SNX25: variants seen among roughly 807,000 people sequenced by gnomAD.
The protein encoded by SNX25 is sorting nexin 25.
In SNX25, 62 loss-of-function variants were observed where a neutral mutation model predicts 113.7. That is an observed-to-expected ratio of 0.55 (90% CI 0.44 to 0.67). The LOEUF is 0.67. Ranked by LOEUF, SNX25 falls within the 30% of genes least tolerant of loss-of-function variation. The probability of loss-of-function intolerance (pLI) is 0.00; values close to 1 mark genes in which losing one functional copy is unlikely to be tolerated. For synonymous variants in SNX25, 421 were observed against 436.2 expected, an observed-to-expected ratio of 0.97 and a Z score of 0.43; for missense variants, 1,014 against 1,161.0, an observed-to-expected ratio of 0.87 and a Z score of 1.84.
intron 1 of SNX25, among the ~76,000 whole-genome samples, chr4:185,227,812 G>A (rs1329582733): frequency 2.6e-5 from 4 of 152,180 alleles, no homozygotes; most frequent in Non-Finnish European, 4.4e-5. Flanking sequence ...GGTTAAGCAG[G>A]TCAATTTGTT....
intron 5 of SNX25, among the ~76,000 whole-genome samples, chr4:185,283,040 C>T (rs1750861596): frequency 2.0e-5 from 3 of 152,172 alleles, no homozygotes; most frequent in African/African-American, 7.2e-5. Flanking sequence ...TATCCAGTAA[C>T]AGTGAATTAA....
At chr4:185,256,968 A>G (rs7672235) in intron 2 of SNX25, among the ~76,000 whole-genome samples, 51,651 of 151,772 alleles carry the variant, frequency 0.34, 10,634 homozygotes, top group East Asian at 0.57. Flanking sequence ...AGTGGCCAAG[A>G]TGTATAAAAT....
intron 5 of SNX25, among the ~76,000 whole-genome samples, chr4:185,277,720 CTTTTTTTTTTTTTTTT>C (rs758092952): frequency 3.1e-5 from 2 of 63,502 alleles, no homozygotes; most frequent in South Asian, 7.6e-4. Context: ...TACTTATTAC[CTTTTTTTTTTTTTTTT>C]TTTTTTTTTT....
In SNX25 at chr4:185,346,620, G is replaced by T. The variant is rs754202588; in HGVS notation, c.2271G>T (p.Lys757Asn). ...FKSIDQKFME[K>N]SKNQLNKFLQ... Reference sequence around the variant, plus strand: ...CTATAGATCAAAAGTTTATGGAAAAGTCGAAGAATCAATTAAATAAGTTTT... The same window carrying T: ...CTATAGATCAAAAGTTTATGGAAAATTCGAAGAATCAATTAAATAAGTTTT... The change falls in exon 13 of 19, where the codon AAG becomes AAT. Residue 757 changes from lysine to asparagine, a missense_variant. Transcript: ENST00000652585. 3.3e-5 allele frequency: 52 copies of T among 1,584,434 alleles called. No homozygotes were observed. Among genetic ancestry groups the T allele is most frequent in the Non-Finnish European group, 4.3e-5 (50 of 1,171,738 alleles).
intron 2 of SNX25, among the ~76,000 whole-genome samples, chr4:185,257,145 A>G (rs1560941005): frequency 6.6e-6 from 1 of 150,926 alleles, no homozygotes; most frequent in Non-Finnish European, 1.5e-5. Flanking sequence ...GACATCTGCA[A>G]TTAAGCCAAA....
At chr4:185,338,477 AG>A (rs2095243845) in intron 10 of SNX25, among the ~76,000 whole-genome samples, 1 of 151,940 alleles carries the variant, frequency 6.6e-6, no homozygotes, top group Non-Finnish European at 1.5e-5. Context: ...TAGTAGTGAC[AG>A]GGTTTTGCCA....
chr4:185,300,838 ATG>A (rs1257130896), intron 6 of SNX25, among the ~76,000 whole-genome samples: 5 of 51,270 alleles, frequency 9.8e-5, no homozygotes, highest in African/African-American at 5.2e-4. Context: ...TATGATTATT[ATG>A]ACACACACAC....
chr4:185,255,228 G>C (rs907502040), intron 2 of SNX25, among the ~76,000 whole-genome samples: 1 of 151,976 alleles, frequency 6.6e-6, no homozygotes, highest in South Asian at 2.1e-4. Flanking sequence ...ACGCCTCCTG[G>C]GTTCAAGTGA....
intron 3 of SNX25, among the ~76,000 whole-genome samples, chr4:185,260,894 C>G (rs555580858): frequency 6.6e-6 from 1 of 152,214 alleles, no homozygotes; most frequent in East Asian, 1.9e-4. Context: ...CCTGAGTTAC[C>G]TCCTAGAATC....
intron 16 of SNX25, among the ~76,000 whole-genome samples, chr4:185,360,112 A>G (rs1403224743): frequency 1.3e-5 from 2 of 152,244 alleles, no homozygotes; most frequent in Admixed American, 6.5e-5. Flanking sequence ...AAATCAGTAG[A>G]AAATAACTTA....
chr4:185,221,089 G>A (rs562584537), intron 1 of SNX25, among the ~76,000 whole-genome samples: 1 of 151,514 alleles, frequency 6.6e-6, no homozygotes, highest in Non-Finnish European at 1.5e-5. Flanking sequence ...CTGGAGTGCA[G>A]TGGCATGATC....
At chr4:185,215,348 T>G (rs1017625283) in intron 1 of SNX25, among the ~76,000 whole-genome samples, 35 of 152,230 alleles carry the variant, frequency 2.3e-4, no homozygotes, top group Admixed American at 2.3e-3. Flanking sequence ...CCCAGTAGAT[T>G]AGACCCACAG....
chr4:185,302,932 G>A (rs181355148), intron 6 of SNX25, among the ~76,000 whole-genome samples: 8 of 152,256 alleles, frequency 5.3e-5, no homozygotes, highest in South Asian at 4.1e-4. Flanking sequence ...GTGGGCTCGG[G>A]CACTTCCATT....
At chr4:185,355,168 C>T (rs1206189627) in intron 15 of SNX25, among the ~76,000 whole-genome samples, 2 of 152,178 alleles carry the variant, frequency 1.3e-5, no homozygotes, top group Admixed American at 6.5e-5. Context: ...CAATGCCTGA[C>T]CCATGGTAGG....
At chr4:185,286,258 G>A (rs1188656608) in intron 5 of SNX25, among the ~76,000 whole-genome samples, 1 of 152,044 alleles carries the variant, frequency 6.6e-6, no homozygotes, top group Non-Finnish European at 1.5e-5. Flanking sequence ...TAGGACTACC[G>A]GCATGCATCA....
chr4:185,264,690 A>C, intron 4 of SNX25, 80 bp downstream of exon 4: 1 of 1,403,662 alleles, frequency 7.1e-7, no homozygotes, highest in Non-Finnish European at 9.9e-7. Flanking sequence ...TTACTGTTGA[A>C]CATATGGGAT....
At chr4:185,356,866 C>T (rs1420288401) in intron 15 of SNX25, among the ~76,000 whole-genome samples, 1 of 152,068 alleles carries the variant, frequency 6.6e-6, no homozygotes, top group Non-Finnish European at 1.5e-5. Flanking sequence ...ATTTGTGGAC[C>T]TAAAATATCC....
the SNX25 span, chr4:185,375,498 A>ATATG: frequency 3.3e-5 from 2 of 60,288 alleles, no homozygotes; most frequent in South Asian, 6.5e-4. Flanking sequence ...ATATATATAT[A>ATATG]TATATATATA....
At chr4:185,309,052 C>A (rs1011134528) in intron 6 of SNX25, among the ~76,000 whole-genome samples, 1 of 152,160 alleles carries the variant, frequency 6.6e-6, no homozygotes. Flanking sequence ...TGTCACGTGA[C>A]GTCAGCTGGA....
Sources: gnomAD v4.1 joint callset for allele counts (sites outside exome capture counted in the v4.1 genomes callset) on GRCh38, gnomAD v4.1.1 for gene constraint, MANE v1.5 for transcripts, NCBI Gene and HGNC (gene_info 2026-07-23, HGNC 2026-07-21) for gene names.